Variants in DNAH9 observed in about 807,000 individuals in gnomAD.
The protein encoded by DNAH9 is DNAH9 variant protein.
A neutral mutation model predicts 471.6 loss-of-function variants in DNAH9; 345 were observed. The observed-to-expected ratio is 0.73, with a 90% CI of 0.67 to 0.80. DNAH9 has a LOEUF of 0.80. DNAH9 is among the 30% of genes least tolerant of loss of function. The probability of loss-of-function intolerance (pLI) is 0.00; values close to 1 mark genes in which losing one functional copy is unlikely to be tolerated. For missense variants in DNAH9, 5,407 were observed against 5,609.2 expected (o/e 0.96, Z 1.15); for synonymous variants, 2,093 against 2,123.6 (o/e 0.99, Z 0.40).
In DNAH9 at chr17:11,881,433, A is replaced by G. The variant is rs1302958335; in HGVS notation, c.10806+20A>G. 1.9e-6 allele frequency: 3 copies of G among 1,602,130 alleles called. No homozygotes were observed. The highest frequency in any genetic ancestry group is 3.4e-5 in the Admixed American group (2 of 59,016). Reference sequence around the variant, plus strand: ...CTGAAGGTGAGGACAGAAGGGAGAAAATGTTCTGCCACTAGAGCCTGCAGT... The same window carrying G: ...CTGAAGGTGAGGACAGAAGGGAGAAGATGTTCTGCCACTAGAGCCTGCAGT... On this transcript the variant is annotated intron_variant, in intron 55 of 68. Coordinates refer to ENST00000262442, the MANE Select transcript of DNAH9 (RefSeq NM_001372.4).
chr17:11,954,608 TAAGTA>T (rs1237454323), intron 67 of DNAH9, among the ~76,000 whole-genome samples: 1 of 151,500 alleles, frequency 6.6e-6, no homozygotes, highest in East Asian at 1.9e-4. Flanking sequence ...AAAAGAAAAC[TAAGTA>T]AAGATGTTTT....
At chr17:11,933,002 G>T (rs912993493) in intron 64 of DNAH9, among the ~76,000 whole-genome samples, 3 of 152,224 alleles carry the variant, frequency 2.0e-5, no homozygotes, top group Non-Finnish European at 4.4e-5. Flanking sequence ...AAACGAACCA[G>T]GCCCAGATGC....
intron 7 of DNAH9, among the ~76,000 whole-genome samples, chr17:11,631,846 A>G (rs2073074801): frequency 6.6e-6 from 1 of 151,972 alleles, no homozygotes; most frequent in African/African-American, 2.4e-5. Context: ...CACATGCGTT[A>G]CTGTTACAAA....
At chr17:11,635,350 T>A (rs888529972) in intron 8 of DNAH9, among the ~76,000 whole-genome samples, 6 of 131,782 alleles carry the variant, frequency 4.6e-5, no homozygotes, top group African/African-American at 1.7e-4. Context: ...TTTTTTTTTT[T>A]TTTTTTTTTT....
chr17:11,742,369 G>GA, intron 30 of DNAH9, 56 bp downstream of exon 30: 1 of 1,563,914 alleles, frequency 6.4e-7, no homozygotes, highest in East Asian at 2.3e-5. Context: ...CCCAGCTCTG[G>GA]AAAAGTTCTG....
chr17:11,842,986 T>C (rs1484957131), intron 49 of DNAH9, among the ~76,000 whole-genome samples: 1 of 151,854 alleles, frequency 6.6e-6, no homozygotes, highest in Non-Finnish European at 1.5e-5. Flanking sequence ...TCAACATCTG[T>C]TCCTCATTAA....
chr17:11,750,809 G>A (rs970242588), intron 32 of DNAH9, among the ~76,000 whole-genome samples: 9 of 152,086 alleles, frequency 5.9e-5, no homozygotes, highest in African/African-American at 2.2e-4. Context: ...ATTATAAAAG[G>A]TAGGCTGGAA....
chr17:11,617,534 G>A lies in DNAH9; in HGVS notation c.1028G>A (p.Cys343Tyr), dbSNP rs2150651964. The change falls in exon 5 of 69, where the codon TGT becomes TAT. Residue 343 changes from cysteine (C) to tyrosine (Y), a missense_variant. Around this residue, in one of 3 missense-constraint regions of DNAH9, gnomAD observed 767 missense variants for 692.5 expected, o/e 1.11. Transcript: ENST00000262442. ...PQLRPLLHVV[C>Y]LIWATCKSYR... is the part of the protein sequence containing the mutation. ...CTGCGGCCCCTGCTCCACGTGGTCT[G>A]TCTGATTTGGGCCACATGCAAGTCC... is the stretch of plus-strand genomic sequence containing the variant. 6.2e-7 allele frequency: 1 copy of A among 1,614,142 alleles called. No homozygotes were observed. Among genetic ancestry groups the A allele is most frequent in the Non-Finnish European group, 8.5e-7 (1 of 1,180,012 alleles).
At chr17:11,898,449 A>G (rs1208621325) in intron 59 of DNAH9, among the ~76,000 whole-genome samples, 1 of 152,206 alleles carries the variant, frequency 6.6e-6, no homozygotes, top group Non-Finnish European at 1.5e-5. Context: ...GCCACCAGTC[A>G]TAATAGATTA....
Position 11,611,702 on chromosome 17 carries a change from G to A in DNAH9, c.826G>A (p.Gly276Ser). ...YNQLRTITVRGMAKLLDKLQS... is the reference protein window; with the variant it reads ...YNQLRTITVRSMAKLLDKLQS... ...TCAACTGAGAACAATAACGGTGAGGGGCATGGCCAAGCTCCTGGACAAGCT... is the reference window on the plus strand; with the variant it reads ...TCAACTGAGAACAATAACGGTGAGGAGCATGGCCAAGCTCCTGGACAAGCT... Residue 276 changes from glycine (G) to serine (S), a missense_variant, in exon 4 of 69, where the codon GGC (glycine) becomes AGC (serine). By Grantham distance (56) the Gly-to-Ser change is moderately conservative. Coordinates refer to ENST00000262442, the MANE Select transcript of DNAH9 (RefSeq NM_001372.4). The A allele has an allele frequency of 6.2e-7, 1 of 1,613,788 alleles. No homozygotes were observed. Among genetic ancestry groups the A allele is most frequent in the Non-Finnish European group, 8.5e-7 (1 of 1,179,646 alleles).
At chr17:11,775,889 G>C (rs377566077) in intron 38 of DNAH9, among the ~76,000 whole-genome samples, 1 of 152,278 alleles carries the variant, frequency 6.6e-6, no homozygotes, top group East Asian at 1.9e-4. Flanking sequence ...ACCGCGCCGG[G>C]CCAATCAGAT....
At chr17:11,664,136 G>A (rs2073824464) in intron 14 of DNAH9, among the ~76,000 whole-genome samples, 1 of 152,110 alleles carries the variant, frequency 6.6e-6, no homozygotes, top group Non-Finnish European at 1.5e-5. Context: ...AAGAGTAAAT[G>A]GGATGTCTGT....
At chr17:11,611,977 A>C in intron 4 of DNAH9, 197 bp downstream of exon 4, 2 of 626,572 alleles carry the variant, frequency 3.2e-6, no homozygotes, top group South Asian at 3.7e-5. Context: ...TTGCAGTTCC[A>C]CTGCTGTATG....
chr17:11,702,379 C>G (rs2074616860), intron 24 of DNAH9, among the ~76,000 whole-genome samples: 1 of 152,196 alleles, frequency 6.6e-6, no homozygotes, highest in South Asian at 2.1e-4. Context: ...GCCACTCCTC[C>G]TTCCCTCAGT....
intron 61 of DNAH9, 78 bp downstream of exon 61, chr17:11,905,887 T>C (rs563017563): frequency 3.5e-5 from 51 of 1,473,792 alleles, no homozygotes; most frequent in Non-Finnish European, 4.5e-5. Flanking sequence ...TGATTTCTCT[T>C]TTCTGGATTC....
At chr17:11,708,996 C>T (rs2074783312) in intron 26 of DNAH9, among the ~76,000 whole-genome samples, 1 of 152,100 alleles carries the variant, frequency 6.6e-6, no homozygotes, top group South Asian at 2.1e-4. Context: ...AGAATATTTC[C>T]ATCCTTTCCA....
rs1567740394 is a variant in DNAH9, at chr17:11,711,971, TGTATATATATTTATATATAA to T, written c.5552+6787_5552+6806del. Among the ~76,000 whole-genome samples the T allele has an allele frequency of 9.1e-3, 21 of 2,320 alleles. 4 individuals carry two copies. The highest frequency in any genetic ancestry group is 0.058 in the Admixed American group (5 of 86). 1.5% of individuals were successfully genotyped at this position (2,320 alleles called of 152,430 possible). On this transcript the variant is annotated intron_variant, in intron 26 of 68. Coordinates refer to ENST00000262442, the MANE Select transcript of DNAH9 (RefSeq NM_001372.4). The stretch of plus-strand genomic sequence containing the variant: ...ATATTTATATATAAATATATATATT[TGTATATATATTTATATATAA>T]ATATATATATTTGTATATATATTTA...
intron 9 of DNAH9, among the ~76,000 whole-genome samples, chr17:11,639,112 T>C (rs1356672175): frequency 1.3e-5 from 2 of 152,180 alleles, no homozygotes; most frequent in African/African-American, 2.4e-5. Flanking sequence ...GTATGACATA[T>C]CATGACCACA....
At chr17:11,876,351 T>C (rs915500755) in intron 53 of DNAH9, among the ~76,000 whole-genome samples, 3 of 152,132 alleles carry the variant, frequency 2.0e-5, no homozygotes, top group African/African-American at 7.2e-5. Flanking sequence ...TTATTATGCA[T>C]AGCATCCCTG....
Sources: gnomAD v4.1 joint callset for allele counts (sites outside exome capture counted in the v4.1 genomes callset) on GRCh38, gnomAD v4.1.1 for gene constraint, gnomAD v4.1.1 regional missense constraint, MANE v1.5 for transcripts, NCBI Gene and HGNC (gene_info 2026-07-23, HGNC 2026-07-21) for gene names.